Variants in RAB11FIP3 observed in about 807,000 individuals in gnomAD.
The protein encoded by RAB11FIP3 is RAB11 family interacting protein 3.
RAB11FIP3 carries 17 observed loss-of-function variants against 77.8 expected under a neutral mutation model. The ratio of observed to expected loss-of-function variants is 0.22; its 90% confidence interval spans 0.15 to 0.33. The LOEUF is 0.33. Ranked by LOEUF, RAB11FIP3 falls within the 10% of genes least tolerant of loss-of-function variation. The pLI is 1.00. For synonymous variants in RAB11FIP3, 437 were observed against 448.2 expected, an observed-to-expected ratio of 0.98 and a Z score of 0.31; for missense variants, 1,005 against 1,011.2, an observed-to-expected ratio of 0.99 and a Z score of 0.08.
chr16:448,123 G>C (rs2055347104), intron 1 of RAB11FIP3, among the ~76,000 whole-genome samples: 1 of 151,722 alleles, frequency 6.6e-6, no homozygotes, highest in African/African-American at 2.4e-5. Context: ...TTTGAGACCA[G>C]CCTGGCCAAC....
chr16:491,626 G>C (rs2030199837), intron 5 of RAB11FIP3, among the ~76,000 whole-genome samples: 1 of 152,258 alleles, frequency 6.6e-6, no homozygotes, highest in Non-Finnish European at 1.5e-5. Flanking sequence ...TTTAAGAACA[G>C]ATATGTAAAC....
chr16:462,640 CCAGCACCATCCCTTCCG>C (rs2055628653), intron 2 of RAB11FIP3, among the ~76,000 whole-genome samples: 2 of 145,896 alleles, frequency 1.4e-5, no homozygotes, highest in African/African-American at 5.4e-5. Context: ...CATCCCTTCC[CCAGCACCATCCCTTCCG>C]CAGCACCGTC....
At chr16:459,357 C>T (rs935236786) in intron 1 of RAB11FIP3, among the ~76,000 whole-genome samples, 2 of 151,580 alleles carry the variant, frequency 1.3e-5, no homozygotes, top group Non-Finnish European at 2.9e-5. Context: ...AACTCCGGAC[C>T]TCAGGTGATC....
chr16:473,433 A>ATTTGT (rs1448349037), intron 3 of RAB11FIP3, among the ~76,000 whole-genome samples: 3 of 151,994 alleles, frequency 2.0e-5, no homozygotes, highest in African/African-American at 4.8e-5. Context: ...TTACATGATT[A>ATTTGT]TTTGTTTTGT....
intron 8 of RAB11FIP3, chr16:510,381 G>A: frequency 2.5e-6 from 1 of 406,040 alleles, no homozygotes; most frequent in Non-Finnish European, 4.5e-6. Context: ...GCGGTCCACA[G>A]GCCACAAGCG....
chr16:454,026 G>T (rs1239420387), intron 1 of RAB11FIP3, among the ~76,000 whole-genome samples: 2 of 152,264 alleles, frequency 1.3e-5, no homozygotes, highest in East Asian at 3.9e-4. Flanking sequence ...ACACACCGTA[G>T]CTTTTAAGTT....
intron 1 of RAB11FIP3, among the ~76,000 whole-genome samples, chr16:447,814 G>A (rs1391275594): frequency 1.3e-5 from 2 of 152,214 alleles, no homozygotes; most frequent in Non-Finnish European, 2.9e-5. Context: ...CTCATGCTCA[G>A]ACTGTTGTCT....
intron 9 of RAB11FIP3, among the ~76,000 whole-genome samples, chr16:515,414 C>A (rs1311663417): frequency 6.6e-6 from 1 of 152,192 alleles, no homozygotes; most frequent in African/African-American, 2.4e-5. Flanking sequence ...GCTGCACACA[C>A]TCCTAACGCA....
chr16:471,998 C>A lies in RAB11FIP3; in HGVS notation c.903+609C>A, dbSNP rs1246349035. On this transcript the variant is annotated intron_variant, in intron 3 of 13. Coordinates refer to ENST00000262305, the MANE Select transcript of RAB11FIP3 (RefSeq NM_014700.4). This position sits in a 1 kb window ranked among gnomAD's most constrained non-coding sequence, Gnocchi z 4.4. Reference sequence around the variant, plus strand: ...AAATGCATGAAGTTGAACTTGAGCCCTTGGGGGCCGCCGGGAAGGTGGAGG... The same window carrying A: ...AAATGCATGAAGTTGAACTTGAGCCATTGGGGGCCGCCGGGAAGGTGGAGG... Among the ~76,000 whole-genome samples the A allele has an allele frequency of 6.6e-6, 1 of 152,204 alleles. No homozygotes were observed. Among genetic ancestry groups the A allele is most frequent in the Non-Finnish European group, 1.5e-5 (1 of 68,030 alleles).
At chr16:504,918 TCC>T (rs2031790953) in intron 7 of RAB11FIP3, among the ~76,000 whole-genome samples, 1 of 43,072 alleles carries the variant, frequency 2.3e-5, no homozygotes, top group Admixed American at 3.0e-4. Context: ...TACCCCCATC[TCC>T]TCCTGTACTC....
At position 505,566 on chromosome 16, in the gene RAB11FIP3, A is replaced by T. The variant is rs781160683; in HGVS notation, c.1438A>T (p.Thr480Ser). ...GCGTGTGCTGGAGCTGGAAAAGGAC[A>T]CGGCAGCCACCGGTGAGCAACACAG... ...ERRVLELEKD[T>S]AATGEQHSRL... Residue 480 changes from threonine (T) to serine (S), a missense_variant, in exon 8 of 14, where the codon ACG becomes TCG. Physicochemically the swap from Thr to Ser is moderately conservative, Grantham distance 58. Around this residue, in one of 4 missense-constraint regions of RAB11FIP3, gnomAD observed 433 missense variants for 436.1 expected, o/e 0.99. Transcript: ENST00000262305. This position sits in a 1 kb window ranked among gnomAD's most constrained non-coding sequence, Gnocchi z 4.0. The T allele has an allele frequency of 1.2e-6, 2 of 1,607,468 alleles. No homozygotes were observed. The highest frequency in any genetic ancestry group is 1.7e-6 in the Non-Finnish European group (2 of 1,179,628).
rs925333729 is a variant in RAB11FIP3 at position 505,268 on chromosome 16, C to T, written c.1396-256C>T. Reference sequence around the variant, plus strand: ...CCAGCCAGCCAGTCCAAAGGCACCCCTGGGCCCCGAGCCCTCAGAGCTGCG... The same window carrying T: ...CCAGCCAGCCAGTCCAAAGGCACCCTTGGGCCCCGAGCCCTCAGAGCTGCG... On this transcript the variant is annotated intron_variant, in intron 7 of 13. Coordinates refer to ENST00000262305, the MANE Select transcript of RAB11FIP3 (RefSeq NM_014700.4). The surrounding 1 kb of genome is among the most constrained non-coding windows in gnomAD (Gnocchi z 4.0). Among the ~76,000 whole-genome samples, 4 of 152,114 alleles carry T rather than the reference C, an allele frequency of 2.6e-5. No individual in the cohort carries two copies. Among genetic ancestry groups the T allele is most frequent in the Admixed American group, 6.5e-5 (1 of 15,278 alleles).
intron 3 of RAB11FIP3, among the ~76,000 whole-genome samples, chr16:481,040 C>T (rs1221720930): frequency 1.1e-4 from 6 of 56,074 alleles, no homozygotes; most frequent in African/African-American, 2.3e-4. Flanking sequence ...AACTCCCAAC[C>T]TCAGGTGATC....
At chr16:516,117 C>T (rs1010584474) in intron 9 of RAB11FIP3, among the ~76,000 whole-genome samples, 1 of 152,300 alleles carries the variant, frequency 6.6e-6, no homozygotes, top group African/African-American at 2.4e-5. Context: ...CTGCTTTGCC[C>T]CTGGTCTCAA....
At chr16:474,726 C>A in intron 3 of RAB11FIP3, 1 of 1,046,800 alleles carries the variant, frequency 9.6e-7, no homozygotes, top group Non-Finnish European at 1.3e-6. Context: ...CCATTATCAG[C>A]TTAGGAAGCC....
intron 2 of RAB11FIP3, among the ~76,000 whole-genome samples, chr16:468,299 A>AGGAGGTGCAGGGGCCTCAG (rs2055752511): frequency 9.1e-6 from 1 of 109,458 alleles, no homozygotes; most frequent in African/African-American, 3.6e-5. Context: ...GGCGTCAGGG[A>AGGAGGTGCAGGGGCCTCAG]GGAGGAGGTC....
In RAB11FIP3 at chr16:514,972, C is replaced by T. The variant is rs2032336072; in HGVS notation, c.1641-3971C>T. On this transcript the variant is annotated intron_variant, in intron 9 of 13. Coordinates refer to ENST00000262305, the MANE Select transcript of RAB11FIP3 (RefSeq NM_014700.4). This position sits in a 1 kb window ranked among gnomAD's most constrained non-coding sequence, Gnocchi z 4.6. The stretch of plus-strand genomic sequence containing the variant: ...CCCAGGGAAGCCTTCGCTTGTGCCA[C>T]GTAGCATAGCTCGTCCTTCCAGAAA... Among the ~76,000 whole-genome samples the T allele has an allele frequency of 1.3e-5, 2 of 152,212 alleles. No individual in the cohort carries two copies. Among genetic ancestry groups the T allele is most frequent in the South Asian group, 2.1e-4 (1 of 4,828 alleles).
chr16:439,072 C>T (rs1358111973), intron 1 of RAB11FIP3, among the ~76,000 whole-genome samples: 1 of 152,198 alleles, frequency 6.6e-6, no homozygotes, highest in Non-Finnish European at 1.5e-5. Flanking sequence ...CAGCCTTGAA[C>T]TCCTGGGCTC....
chr16:425,689 G>GCCTCCGGCCTCCTCGGCCCCCGT lies in RAB11FIP3; in HGVS notation c.-315_-293dup, dbSNP rs2054925017. The GCCTCCGGCCTCCTCGGCCCCCGT allele has an allele frequency of 1.9e-5, 5 of 269,030 alleles. No homozygotes were observed. Among genetic ancestry groups the GCCTCCGGCCTCCTCGGCCCCCGT allele is most frequent in the African/African-American group, 9.1e-5 (4 of 43,922 alleles). 16.7% of individuals were successfully genotyped at this position (269,030 alleles called of 1,614,324 possible). A position where few individuals can be genotyped will look rare whatever the true frequency, so the allele number is the denominator to read the frequency against. On this transcript the variant is annotated 5_prime_UTR_variant, in exon 1 of 14. Transcript: ENST00000262305. ...CTCATCCTGCTTCACAGGCTCCGCG[G>GCCTCCGGCCTCCTCGGCCCCCGT]CCTCCGGCCTCCTCGGCCCCCGTCC...
Sources: gnomAD v4.1 joint callset for allele counts (sites outside exome capture counted in the v4.1 genomes callset) on GRCh38, gnomAD v4.1.1 for gene constraint, gnomAD v4.1.1 regional missense constraint, Gnocchi (gnomAD v3.1) non-coding constraint, MANE v1.5 for transcripts, NCBI Gene and HGNC (gene_info 2026-07-23, HGNC 2026-07-21) for gene names.